Variants in NAALADL2 observed in about 807,000 individuals in gnomAD.
NAALADL2 encodes inactive N-acetylated-alpha-linked acidic dipeptidase-like protein 2.
A neutral mutation model predicts 87.2 loss-of-function variants in NAALADL2; 76 were observed. The observed-to-expected ratio is 0.87, with a 90% CI of 0.72 to 1.05. The LOEUF (loss-of-function observed/expected upper bound fraction) is 1.05. Among genes scored for constraint, NAALADL2 ranks in the 50% least tolerant of loss-of-function variants. The pLI is 0.00. For missense variants in NAALADL2, 1,089 were observed against 945.8 expected, an observed-to-expected ratio of 1.15 and a Z score of -1.99; for synonymous variants, 354 against 331.0, an observed-to-expected ratio of 1.07 and a Z score of -0.75.
intron 2 of NAALADL2, among the ~76,000 whole-genome samples, chr3:174,640,499 C>A (rs1274009678): frequency 6.6e-6 from 1 of 152,140 alleles, no homozygotes; most frequent in African/African-American, 2.4e-5. Flanking sequence ...TCCACCTCCA[C>A]CCAGAGGAGC....
chr3:174,451,959 C>T (rs1391540469), intron 1 of NAALADL2, among the ~76,000 whole-genome samples: 1 of 148,736 alleles, frequency 6.7e-6, no homozygotes, highest in African/African-American at 2.5e-5. Flanking sequence ...TCTCGTGCCT[C>T]AGCCTCCCGA....
chr3:175,206,387 A>C (rs1740926329), intron 2 of NAALADL2, among the ~76,000 whole-genome samples: 1 of 150,588 alleles, frequency 6.6e-6, no homozygotes, highest in Admixed American at 6.6e-5. Context: ...TCAGCCATAA[A>C]AATGAATGAA....
At chr3:175,119,669 G>A (rs1024102512) in intron 2 of NAALADL2, among the ~76,000 whole-genome samples, 2 of 96,328 alleles carry the variant, frequency 2.1e-5, no homozygotes, top group African/African-American at 7.1e-5. Flanking sequence ...TGAAGGTTGA[G>A]GAGTCACTTA....
intron 1 of NAALADL2, among the ~76,000 whole-genome samples, chr3:174,918,222 A>G (rs1734668900): frequency 6.6e-6 from 1 of 152,096 alleles, no homozygotes; most frequent in East Asian, 1.9e-4. Context: ...TAGGGAGGTT[A>G]TTTAGTATGC....
intron 2 of NAALADL2, among the ~76,000 whole-genome samples, chr3:174,664,055 T>C (rs1725747766): frequency 6.6e-6 from 1 of 152,032 alleles, no homozygotes; most frequent in African/African-American, 2.4e-5. Context: ...TCCCAATGTG[T>C]GGGGATTACA....
chr3:175,795,455 C>T (rs150912793), intron 13 of NAALADL2, among the ~76,000 whole-genome samples: 318 of 151,398 alleles, frequency 2.1e-3, no homozygotes, highest in Middle Eastern at 6.9e-3. Flanking sequence ...AAGTGGATCA[C>T]GAGGTCAGGA....
Position 174,605,897 on chromosome 3 carries a change from C to T in NAALADL2, c.-115+55260C>T, listed in dbSNP as rs1186652817. Among the ~76,000 whole-genome samples the T allele has an allele frequency of 3.3e-5, 5 of 151,918 alleles. No individual in the cohort carries two copies. The East Asian group carries it at 9.7e-4, about 30-fold the overall frequency. ...GGGTCCCTGACCCCTGATCCCCGAG[C>T]AGCCTAACTGGGAGGCACCCCCCAG... is the stretch of plus-strand genomic sequence containing the variant. On this transcript the variant is annotated intron_variant, in intron 2 of 3. Coordinates refer to the NAALADL2 transcript ENST00000434257.
Position 175,357,580 on chromosome 3 carries a change from C to A in NAALADL2, c.1090+33255C>A, listed in dbSNP as rs137970959. Among the ~76,000 whole-genome samples the A allele has an allele frequency of 3.6e-3, 545 of 152,226 alleles. 2 individuals are homozygous for A. The highest frequency in any genetic ancestry group is 0.013 in the African/African-American group (520 of 41,554). ...TTCTAATTCTAGTAATCAGCAACCA[C>A]CCTACAAATATTCCATCACTCATGT... On this transcript the variant is annotated intron_variant, in intron 5 of 13. Transcript: ENST00000454872.
rs58135076 is a variant in NAALADL2, at chr3:175,412,891, T to TTTATTATTATTATTATTATTA, written c.1091-34320_1091-34300dup. Among the ~76,000 whole-genome samples, 522 of 122,996 alleles carry TTTATTATTATTATTATTATTA rather than the reference T, an allele frequency of 4.2e-3. 4 individuals are homozygous for TTTATTATTATTATTATTATTA. The highest frequency in any genetic ancestry group is 4.9e-3 in the African/African-American group (157 of 32,224). 80.7% of individuals were successfully genotyped at this position (122,996 alleles called of 152,430 possible). On this transcript the variant is annotated intron_variant, in intron 5 of 13. Transcript: ENST00000454872. ...GGAATCAGATTATTTATTTAATTTATTTATTATTATTATTATTATTATTAT... is the reference window on the plus strand; with the variant it reads ...GGAATCAGATTATTTATTTAATTTATTTATTATTATTATTATTATTATTATTATTATTATTATTATTATTAT...
At chr3:175,141,161 T>C (rs1028789889) in intron 2 of NAALADL2, among the ~76,000 whole-genome samples, 6 of 152,156 alleles carry the variant, frequency 3.9e-5, no homozygotes, top group African/African-American at 9.6e-5. Context: ...TTCCTGTTGT[T>C]AGCTCAGTCA....
intron 3 of NAALADL2, among the ~76,000 whole-genome samples, chr3:174,837,165 A>G (rs1723426191): frequency 6.6e-6 from 1 of 152,204 alleles, no homozygotes; most frequent in Non-Finnish European, 1.5e-5. Flanking sequence ...ACTAAATGAA[A>G]TTGAAACAAA....
intron 2 of NAALADL2, among the ~76,000 whole-genome samples, chr3:174,610,483 AC>A (rs1291769910): frequency 3.3e-5 from 5 of 152,006 alleles, no homozygotes; most frequent in African/African-American, 1.2e-4. Flanking sequence ...AAAACAAACA[AC>A]CCCATCAAAA....
intron 12 of NAALADL2, among the ~76,000 whole-genome samples, chr3:175,753,039 G>C (rs886159505): frequency 1.3e-5 from 2 of 152,122 alleles, no homozygotes; most frequent in Admixed American, 6.6e-5. Flanking sequence ...TCAGGAGCTA[G>C]ATTTTCTAAA....
chr3:174,442,637 C>T (rs1431391419), intron 1 of NAALADL2, among the ~76,000 whole-genome samples: 1 of 152,118 alleles, frequency 6.6e-6, no homozygotes, highest in African/African-American at 2.4e-5. Context: ...TTGCTTACTG[C>T]GTGCCAAGCA....
At chr3:174,776,051 T>TC (rs1452122065) in intron 3 of NAALADL2, among the ~76,000 whole-genome samples, 1 of 152,158 alleles carries the variant, frequency 6.6e-6, no homozygotes. Context: ...CAGAAGCTGT[T>TC]ACTGTTTTCC....
intron 11 of NAALADL2, among the ~76,000 whole-genome samples, chr3:175,693,080 G>T (rs1173367044): frequency 6.6e-6 from 1 of 152,110 alleles, no homozygotes; most frequent in Non-Finnish European, 1.5e-5. Context: ...CAGGAAATTT[G>T]GAAGCATGGT....
intron 11 of NAALADL2, among the ~76,000 whole-genome samples, chr3:175,697,809 T>TG (rs1560992807): frequency 7.3e-6 from 1 of 137,412 alleles, no homozygotes; most frequent in Non-Finnish European, 1.5e-5. Context: ...GTATATATAT[T>TG]TATGTATGTA....
At chr3:174,796,801 G>C (rs1342786918) in intron 3 of NAALADL2, among the ~76,000 whole-genome samples, 1 of 113,646 alleles carries the variant, frequency 8.8e-6, no homozygotes, top group Non-Finnish European at 1.8e-5. Flanking sequence ...ATATCTATTT[G>C]TGTCCTTTGT....
At chr3:175,801,746 C>T (rs1035929760) in intron 13 of NAALADL2, among the ~76,000 whole-genome samples, 26 of 152,158 alleles carry the variant, frequency 1.7e-4, no homozygotes, top group Admixed American at 1.0e-3. Context: ...TATTAGACCA[C>T]GAGATTTCAG....
Sources: allele counts gnomAD v4.1 joint callset (sites outside exome capture counted in the v4.1 genomes callset), GRCh38; gene constraint gnomAD v4.1.1; transcripts MANE v1.5; gene names NCBI Gene and HGNC (gene_info 2026-07-23, HGNC 2026-07-21).